GLIS3: variants seen among roughly 807,000 people sequenced by gnomAD.
GLIS3 encodes GLIS family zinc finger 3, also known as zinc finger protein GLIS3.
A neutral mutation model predicts 78.6 loss-of-function variants in GLIS3; 53 were observed. The observed-to-expected ratio is 0.67, with a 90% confidence interval of 0.54 to 0.85. The LOEUF is 0.85. GLIS3 is among the 40% of genes least tolerant of loss of function. The pLI, the probability that GLIS3 is intolerant of heterozygous loss-of-function variation, is 0.00. For missense variants in GLIS3, 1,703 were observed against 1,231.1 expected, an observed-to-expected ratio of 1.38 and a Z score of -5.74; for synonymous variants, 684 against 509.9, an observed-to-expected ratio of 1.34 and a Z score of -4.60.
intron 2 of GLIS3, among the ~76,000 whole-genome samples, chr9:4,316,481 T>C (rs1817438141): frequency 6.6e-6 from 1 of 152,248 alleles, no homozygotes; most frequent in Non-Finnish European, 1.5e-5. Context: ...GTGATAACAT[T>C]GATGAGAAAA....
At chr9:4,100,642 T>C (rs1315580926) in intron 4 of GLIS3, among the ~76,000 whole-genome samples, 1 of 152,182 alleles carries the variant, frequency 6.6e-6, no homozygotes, top group African/African-American at 2.4e-5. Flanking sequence ...TGGTGTCTCT[T>C]TCTTTTTAAT....
At chr9:4,202,003 G>C (rs1171641278) in intron 2 of GLIS3, among the ~76,000 whole-genome samples, 1 of 151,978 alleles carries the variant, frequency 6.6e-6, no homozygotes, top group African/African-American at 2.4e-5. Flanking sequence ...GCCAGGTGTG[G>C]TGGCACGCAC....
At chr9:4,466,919 G>T in the GLIS3 span, among the ~76,000 whole-genome samples, 2 of 152,204 alleles carry the variant, frequency 1.3e-5, no homozygotes, top group African/African-American at 2.4e-5. Flanking sequence ...TGGAAAATTG[G>T]AACACTCCCA....
At chr9:4,258,890 T>A (rs1000409153) in intron 2 of GLIS3, among the ~76,000 whole-genome samples, 1 of 152,206 alleles carries the variant, frequency 6.6e-6, no homozygotes, top group Non-Finnish European at 1.5e-5. Flanking sequence ...ATTCCTAACA[T>A]GTGGCAATAA....
At chr9:4,421,473 C>G in the GLIS3 span, among the ~76,000 whole-genome samples, 1 of 152,234 alleles carries the variant, frequency 6.6e-6, no homozygotes, top group East Asian at 1.9e-4. Flanking sequence ...CATACCTGAT[C>G]AATTACAGGT....
chr9:4,482,031 T>C, the GLIS3 span, among the ~76,000 whole-genome samples: 10 of 152,230 alleles, frequency 6.6e-5, no homozygotes, highest in Admixed American at 1.3e-4. Flanking sequence ...TCTAGTGAGA[T>C]TGAAGATTTT....
At chr9:4,162,973 G>C (rs942993674) in intron 2 of GLIS3, among the ~76,000 whole-genome samples, 6 of 150,704 alleles carry the variant, frequency 4.0e-5, no homozygotes, top group African/African-American at 1.5e-4. Flanking sequence ...CTCTTCTCTG[G>C]ACCCAGCTCC....
chr9:4,363,639 G>A, the GLIS3 span, among the ~76,000 whole-genome samples: 1 of 152,102 alleles, frequency 6.6e-6, no homozygotes, highest in Non-Finnish European at 1.5e-5. Flanking sequence ...CTGTGTAGCT[G>A]GCATCCAGAA....
At chr9:4,123,801 A>C (rs1832367195) in intron 3 of GLIS3, 3 of 398,196 alleles carry the variant, frequency 7.5e-6, no homozygotes, top group Non-Finnish European at 1.3e-5. Context: ...ATTCAGGATG[A>C]CTGTCATTTA....
chr9:4,181,520 T>TCA (rs1347394929), intron 2 of GLIS3, among the ~76,000 whole-genome samples: 1 of 152,166 alleles, frequency 6.6e-6, no homozygotes, highest in Non-Finnish European at 1.5e-5. Flanking sequence ...TGCTTGACCA[T>TCA]CATCATCACC....
intron 2 of GLIS3, among the ~76,000 whole-genome samples, chr9:4,218,713 T>C (rs896765471): frequency 6.6e-6 from 1 of 152,240 alleles, no homozygotes. Context: ...TGTTTATTAA[T>C]TTTGAATTAA....
intron 2 of GLIS3, among the ~76,000 whole-genome samples, chr9:4,318,880 T>C (rs1587383199): frequency 2.0e-5 from 3 of 152,248 alleles, no homozygotes; most frequent in African/African-American, 4.8e-5. Flanking sequence ...GGGAAGTTCC[T>C]GTACAGTGGG....
the GLIS3 span, among the ~76,000 whole-genome samples, chr9:4,428,408 G>A: frequency 6.7e-6 from 1 of 149,642 alleles, no homozygotes; most frequent in South Asian, 2.1e-4. Flanking sequence ...GAACCTGGGA[G>A]GCAGAGGTTA....
intron 4 of GLIS3, among the ~76,000 whole-genome samples, chr9:3,992,833 T>C (rs1424839207): frequency 2.0e-5 from 3 of 152,232 alleles, no homozygotes; most frequent in Non-Finnish European, 4.4e-5. Context: ...TGACCAATTC[T>C]GATAAGGTCA....
chr9:4,144,179 C>T (rs958392555), intron 2 of GLIS3, among the ~76,000 whole-genome samples: 1 of 152,038 alleles, frequency 6.6e-6, no homozygotes, highest in African/African-American at 2.4e-5. Context: ...GACACCACAG[C>T]GCAAGGAATG....
intron 2 of GLIS3, among the ~76,000 whole-genome samples, chr9:4,169,428 G>C (rs1050690614): frequency 6.6e-6 from 1 of 152,200 alleles, no homozygotes; most frequent in Admixed American, 6.5e-5. Context: ...GAACACAGGA[G>C]AATGAGTTGG....
intron 2 of GLIS3, among the ~76,000 whole-genome samples, chr9:4,236,914 A>G (rs1433541497): frequency 2.0e-5 from 3 of 152,170 alleles, no homozygotes. Context: ...TTCATTAAAA[A>G]TATTTTTTTG....
intron 6 of GLIS3, among the ~76,000 whole-genome samples, chr9:3,920,740 G>C (rs1173661975): frequency 6.6e-6 from 1 of 151,636 alleles, no homozygotes; most frequent in Non-Finnish European, 1.5e-5. Flanking sequence ...GAAATGTCAA[G>C]GATGTCCTTT....
At chr9:4,191,228 C>T (rs1452770459) in intron 2 of GLIS3, among the ~76,000 whole-genome samples, 6 of 151,770 alleles carry the variant, frequency 4.0e-5, no homozygotes, top group Non-Finnish European at 8.8e-5. Flanking sequence ...AATTAAAAGA[C>T]ACAGACTGGC....
Sources: gnomAD v4.1 joint callset for allele counts (sites outside exome capture counted in the v4.1 genomes callset) on GRCh38, gnomAD v4.1.1 for gene constraint, MANE v1.5 for transcripts, NCBI Gene and HGNC (gene_info 2026-07-23, HGNC 2026-07-21) for gene names.